IGF2BP1: variants seen among roughly 807,000 people sequenced by gnomAD.
IGF2BP1 encodes insulin-like growth factor 2 mRNA-binding protein 1.
In IGF2BP1, 11 loss-of-function variants were observed where a neutral mutation model predicts 74.9. That is an observed-to-expected ratio of 0.15 (90% CI 0.09 to 0.24). The LOEUF is 0.24. IGF2BP1 is among the 10% of genes least tolerant of loss of function. IGF2BP1 has a pLI of 1.00. For missense variants in IGF2BP1, 440 were observed against 757.4 expected (o/e 0.58, Z 4.92); for synonymous variants, 287 against 281.8 (o/e 1.02, Z -0.18).
At position 49,042,376 on chromosome 17, in the gene IGF2BP1, G is replaced by A. The variant is rs746264929; in HGVS notation, c.1076G>A (p.Ser359Asn). The part of the protein sequence containing the change: ...EAYENDVAAM[S>N]LQSHLIPGLN... ...TATGAGAATGATGTGGCTGCCATGA[G>A]CGTGAGTGCTGGGTAGTACCCTCTG... Residue 359 changes from serine to asparagine, a missense_variant and splice_region_variant, in exon 9 of 15, where the codon AGC becomes AAC. Around this residue, in one of 5 missense-constraint regions of IGF2BP1, gnomAD observed 184 missense variants for 273.4 expected, o/e 0.67. Coordinates refer to ENST00000290341, the MANE Select transcript of IGF2BP1 (RefSeq NM_006546.4). The A allele has an allele frequency of 2.5e-6, 4 of 1,614,156 alleles. No individual in the cohort carries two copies. The highest frequency in any genetic ancestry group is 4.5e-5 in the East Asian group (2 of 44,880).
intron 2 of IGF2BP1, among the ~76,000 whole-genome samples, chr17:49,011,926 G>C (rs2041624325): frequency 8.3e-6 from 1 of 120,822 alleles, no homozygotes; most frequent in Non-Finnish European, 1.8e-5. Context: ...TTTTTTTTGG[G>C]AGATAGAGTC....
chr17:49,042,559 C>T (rs2042063569), intron 9 of IGF2BP1, among the ~76,000 whole-genome samples, 182 bp downstream of exon 9: 1 of 152,132 alleles, frequency 6.6e-6, no homozygotes, highest in South Asian at 2.1e-4. Context: ...GGATTCTTCA[C>T]CTGGTTCCTA....
intron 2 of IGF2BP1, among the ~76,000 whole-genome samples, chr17:49,001,280 A>T (rs2041485171): frequency 6.6e-6 from 1 of 152,200 alleles, no homozygotes; most frequent in African/African-American, 2.4e-5. Flanking sequence ...TAGAACAGGA[A>T]CTAGTTAATT....
In IGF2BP1 at chr17:49,009,069, C is replaced by T. The variant is rs570652430; in HGVS notation, c.236+9900C>T. On this transcript the variant is annotated intron_variant, in intron 2 of 14. Coordinates refer to ENST00000290341, the MANE Select transcript of IGF2BP1 (RefSeq NM_006546.4). ...TTGAGAGGGAGTCTTGCTCTGTTGC[C>T]CAGGCCGGAGTGCTGTGGTGCCATC... is the stretch of plus-strand genomic sequence containing the variant. Among the ~76,000 whole-genome samples the T allele has an allele frequency of 5.3e-5, 8 of 152,064 alleles. No homozygotes were observed. The South Asian group carries it at 1.7e-3, about 32-fold the overall frequency.
At chr17:49,026,188 C>T (rs2041851342) in intron 3 of IGF2BP1, among the ~76,000 whole-genome samples, 1 of 152,058 alleles carries the variant, frequency 6.6e-6, no homozygotes, top group Non-Finnish European at 1.5e-5. Context: ...GTTTCCTAAG[C>T]CCTAAACTTG....
In IGF2BP1 at chr17:49,040,050, G is replaced by C. The variant is rs749024088; in HGVS notation, c.777G>C (p.Met259Ile). The C allele has an allele frequency of 6.2e-7, 1 of 1,614,112 alleles. No homozygotes were observed. Among genetic ancestry groups the C allele is most frequent in the South Asian group, 1.1e-5 (1 of 91,072 alleles). ...AGGGCTGCTCCTCCGCTTGTAAGAT[G>C]ATCTTGGAGATTATGCATAAAGAGG... Reference protein sequence around the residue: ...TPEGCSSACKMILEIMHKEAK... With the variant: ...TPEGCSSACKIILEIMHKEAK... The change falls in exon 7 of 15, where the codon ATG becomes ATC. Residue 259 changes from methionine (M) to isoleucine (I), a missense_variant. By Grantham distance (10) the Met-to-Ile change is conservative. Transcript: ENST00000290341.
chr17:49,019,533 C>T (rs941472139), intron 2 of IGF2BP1, among the ~76,000 whole-genome samples: 6 of 151,926 alleles, frequency 3.9e-5, no homozygotes, highest in Admixed American at 6.5e-5. Flanking sequence ...AATAACCCCT[C>T]TGTGTACCAT....
chr17:49,029,206 A>G (rs570044718), intron 4 of IGF2BP1, among the ~76,000 whole-genome samples: 1 of 152,320 alleles, frequency 6.6e-6, no homozygotes, highest in East Asian at 1.9e-4. Context: ...AGCTCCACAA[A>G]GGCAGAGGTT....
chr17:49,026,795 G>A (rs1051475464), intron 4 of IGF2BP1, among the ~76,000 whole-genome samples: 1 of 151,858 alleles, frequency 6.6e-6, no homozygotes, highest in African/African-American at 2.4e-5. Flanking sequence ...CCAGGCTGGA[G>A]TGAAGTGGCG....
At chr17:49,000,223 C>G (rs1009666824) in intron 2 of IGF2BP1, among the ~76,000 whole-genome samples, 1 of 152,160 alleles carries the variant, frequency 6.6e-6, no homozygotes, top group Non-Finnish European at 1.5e-5. Context: ...CCTCACCCCC[C>G]ATTTCAGCTG....
chr17:49,034,665 A>T (rs2041963480), intron 5 of IGF2BP1, among the ~76,000 whole-genome samples: 2 of 149,874 alleles, frequency 1.3e-5, no homozygotes, highest in African/African-American at 4.9e-5. Context: ...GTGGAGGTGG[A>T]GGTGGAGGTT....
At chr17:48,998,510 G>A (rs967254119) in intron 1 of IGF2BP1, among the ~76,000 whole-genome samples, 1 of 151,802 alleles carries the variant, frequency 6.6e-6, no homozygotes, top group Non-Finnish European at 1.5e-5. Flanking sequence ...GGGGTGGCGC[G>A]GCGGCGGCGG....
At chr17:49,031,995 G>A (rs1392949161) in intron 5 of IGF2BP1, 22 bp downstream of exon 5, 6 of 1,590,482 alleles carry the variant, frequency 3.8e-6, no homozygotes, top group Non-Finnish European at 5.2e-6. Flanking sequence ...GGGAAGTGGG[G>A]CTGGGTGCGG....
intron 2 of IGF2BP1, among the ~76,000 whole-genome samples, chr17:49,019,904 TTATATATATATA>T (rs60753189): frequency 0.084 from 3,692 of 43,902 alleles, 173 homozygotes; most frequent in Middle Eastern, 0.15. Flanking sequence ...CCTGGCTAAT[TTATATATATATA>T]TATATATATA....
At position 48,997,968 on chromosome 17, in the gene IGF2BP1, C is replaced by A. The variant is rs919802192; in HGVS notation, c.175+48C>A. On this transcript the variant is annotated intron_variant, in intron 1 of 14. Transcript: ENST00000290341. This position sits in a 1 kb window ranked among gnomAD's most constrained non-coding sequence, Gnocchi z 4.8. ...GAAAAGCCACAACGAGAGCCCCGAA[C>A]AACGGAGACCCGCACCTTCCGGTTC... 1.9e-6 allele frequency: 3 copies of A among 1,586,420 alleles called. No homozygotes were observed. Among genetic ancestry groups the A allele is most frequent in the Non-Finnish European group, 2.6e-6 (3 of 1,163,754 alleles).
chr17:48,998,751 G>T (rs1598116855), intron 1 of IGF2BP1, among the ~76,000 whole-genome samples: 1 of 152,200 alleles, frequency 6.6e-6, no homozygotes, highest in South Asian at 2.1e-4. Context: ...CCCACTTTCT[G>T]AGGAACGGGG....
chr17:49,046,445 A>G (rs1598160625), intron 14 of IGF2BP1, 72 bp downstream of exon 14: 17 of 1,158,478 alleles, frequency 1.5e-5, no homozygotes. Context: ...GACTCTATAG[A>G]GGTTGACCTT....
chr17:49,019,317 C>T (rs2041746566), intron 2 of IGF2BP1, among the ~76,000 whole-genome samples: 1 of 152,136 alleles, frequency 6.6e-6, no homozygotes, highest in African/African-American at 2.4e-5. Flanking sequence ...CCCTTGTCTC[C>T]TTCCAACCCC....
Position 49,030,128 on chromosome 17 carries a change from C to T in IGF2BP1, c.338-1782C>T, listed in dbSNP as rs1353409321. Among the ~76,000 whole-genome samples, 3 of 146,134 alleles carry T rather than the reference C, an allele frequency of 2.1e-5. No individual in the cohort carries two copies. The South Asian group carries it at 6.4e-4, about 31-fold the overall frequency. On this transcript the variant is annotated intron_variant, in intron 4 of 14. Coordinates refer to ENST00000290341, the MANE Select transcript of IGF2BP1 (RefSeq NM_006546.4). The stretch of plus-strand genomic sequence containing the variant: ...GACTTCTACAGCCATTCCTGTCAGT[C>T]CATTTAGCTGGACTTTTTTTTTTTT...
Sources: gnomAD v4.1 joint callset for allele counts (sites outside exome capture counted in the v4.1 genomes callset) on GRCh38, gnomAD v4.1.1 for gene constraint, gnomAD v4.1.1 regional missense constraint, Gnocchi (gnomAD v3.1) non-coding constraint, MANE v1.5 for transcripts, NCBI Gene and HGNC (gene_info 2026-07-23, HGNC 2026-07-21) for gene names.